Variants in SLC25A23 observed in about 807,000 individuals in gnomAD.
The protein encoded by SLC25A23 is mitochondrial adenyl nucleotide antiporter SLC25A23.
Under a neutral mutation model 53.9 loss-of-function variants are expected in SLC25A23, and 32 were observed. The observed-to-expected ratio is 0.59, with a 90% CI of 0.45 to 0.80. The LOEUF is 0.80. Ranked by LOEUF, SLC25A23 falls within the 30% of genes least tolerant of loss-of-function variation. The probability of loss-of-function intolerance (pLI) is 0.00; values close to 1 mark genes in which losing one functional copy is unlikely to be tolerated. For missense variants in SLC25A23, 575 were observed against 651.4 expected, an observed-to-expected ratio of 0.88 and a Z score of 1.28; for synonymous variants, 275 against 264.5, an observed-to-expected ratio of 1.04 and a Z score of -0.38.
intron 7 of SLC25A23, among the ~76,000 whole-genome samples, chr19:6,453,239 G>GTTTTT (rs34113509): frequency 9.6e-5 from 12 of 125,014 alleles, no homozygotes; most frequent in Admixed American, 8.4e-5. Context: ...TGTGATTGAA[G>GTTTTT]TTTTTTTTTT....
rs1417902194 is a variant in SLC25A23, at chr19:6,444,272, G to A, written c.1101C>T (p.Tyr367=). 5 of 1,531,528 alleles carry A rather than the reference G, an allele frequency of 3.3e-6. No individual in the cohort carries two copies. The highest frequency in any genetic ancestry group is 4.4e-6 in the Non-Finnish European group (5 of 1,130,394). 94.9% of individuals were successfully genotyped at this position (1,531,528 alleles called of 1,614,324 possible). ...TGCCTGGGTCTGCCGAGTCGTGGCT[G>A]TACTGCTGAAGCCACCAGTTCTTCA... The part of the protein sequence containing the change: ...ETLKNWWLQQ[Y]SHDSADPGIL... The change falls in exon 9 of 10, where the codon TAC becomes TAT. Residue 367 remains tyrosine (Y), a synonymous_variant. Coordinates refer to ENST00000301454, the MANE Select transcript of SLC25A23 (RefSeq NM_024103.3).
At chr19:6,449,177 T>TA (rs1207292060) in intron 8 of SLC25A23, among the ~76,000 whole-genome samples, 2 of 152,256 alleles carry the variant, frequency 1.3e-5, no homozygotes, top group Non-Finnish European at 2.9e-5. Context: ...TAAAACCTCT[T>TA]AGACTTTTAA....
chr19:6,457,702 C>A, intron 2 of SLC25A23, 112 bp from the exon 3 acceptor site: 4 of 905,534 alleles, frequency 4.4e-6, no homozygotes, highest in Admixed American at 2.2e-5. Flanking sequence ...AGATCAGGGG[C>A]TCCAGAAACC....
chr19:6,453,252 T>TTG (rs1354104379), intron 7 of SLC25A23, among the ~76,000 whole-genome samples: 1 of 150,350 alleles, frequency 6.7e-6, no homozygotes, highest in Non-Finnish European at 1.5e-5. Flanking sequence ...TTTTTTTTTT[T>TTG]TTTTTTGAGC....
intron 8 of SLC25A23, among the ~76,000 whole-genome samples, chr19:6,446,026 G>A (rs1271257773): frequency 3.3e-5 from 5 of 152,084 alleles, no homozygotes; most frequent in African/African-American, 4.8e-5. Flanking sequence ...GTAGTGAGCC[G>A]TGATGCACTC....
At chr19:6,455,791 C>T (rs1355998937) in intron 4 of SLC25A23, among the ~76,000 whole-genome samples, 1 of 149,362 alleles carries the variant, frequency 6.7e-6, no homozygotes, top group Middle Eastern at 3.5e-3. Flanking sequence ...GATCTCGGCT[C>T]ACTGCAAGCT....
At chr19:6,436,597 T>A (rs2092322006), downstream of SLC25A23, 1 of 387,602 alleles carries the variant, frequency 2.6e-6, no homozygotes, top group Non-Finnish European at 5.2e-6. Context: ...TTGCCCAGGC[T>A]GGAGTGCAGT....
In SLC25A23 at chr19:6,444,274, A is replaced by G; in HGVS notation, c.1099T>C (p.Tyr367His). 1 of 1,606,446 alleles carries G rather than the reference A, an allele frequency of 6.2e-7. No individual in the cohort carries two copies. The highest frequency in any genetic ancestry group is 1.3e-5 in the African/African-American group (1 of 74,896). Reference protein sequence around the residue: ...ETLKNWWLQQYSHDSADPGIL... With the variant: ...ETLKNWWLQQHSHDSADPGIL... The stretch of plus-strand genomic sequence containing the variant: ...CCTGGGTCTGCCGAGTCGTGGCTGT[A>G]CTGCTGAAGCCACCAGTTCTTCAGA... Residue 367 changes from tyrosine to histidine, a missense_variant, in exon 9 of 10, where the codon TAC becomes CAC. Transcript: ENST00000301454.
chr19:6,457,690 C>G (rs2092700858), intron 2 of SLC25A23, 100 bp from the exon 3 acceptor site: 4 of 1,036,222 alleles, frequency 3.9e-6, no homozygotes, highest in Non-Finnish European at 5.9e-6. Flanking sequence ...GGTGGTCTAG[C>G]AAGATCAGGG....
chr19:6,455,415 A>G (rs2145035218), intron 4 of SLC25A23, among the ~76,000 whole-genome samples: 1 of 152,114 alleles, frequency 6.6e-6, no homozygotes, highest in South Asian at 2.1e-4. Flanking sequence ...ACCCCAGCAG[A>G]TCCTTCTCAG....
downstream of SLC25A23, chr19:6,436,381 C>T (rs1465733807): frequency 2.2e-6 from 1 of 455,754 alleles, no homozygotes; most frequent in Non-Finnish European, 4.4e-6. Flanking sequence ...GCAAGATCCT[C>T]TTCCAAGCTC....
At chr19:6,444,127 C>T in intron 9 of SLC25A23, 24 bp downstream of exon 9, 6 of 1,536,594 alleles carry the variant, frequency 3.9e-6, no homozygotes, top group Non-Finnish European at 4.4e-6. Context: ...CTCCCCCTGC[C>T]CCATCCTCCC....
chr19:6,444,370 T>C, intron 8 of SLC25A23, 69 bp from the exon 9 acceptor site: 1 of 1,483,924 alleles, frequency 6.7e-7, no homozygotes, highest in Non-Finnish European at 9.1e-7. Context: ...AAAGGCCTGC[T>C]GGCCGGTTCT....
chr19:6,449,992 G>C (rs1439089776), intron 8 of SLC25A23, among the ~76,000 whole-genome samples: 1 of 150,990 alleles, frequency 6.6e-6, no homozygotes, highest in Non-Finnish European at 1.5e-5. Context: ...TGAGTAGCTG[G>C]GATTATAGGT....
At chr19:6,442,803 G>A (rs1210721216) in intron 9 of SLC25A23, among the ~76,000 whole-genome samples, 28 of 151,932 alleles carry the variant, frequency 1.8e-4, no homozygotes, top group African/African-American at 5.8e-4. Flanking sequence ...CATCCGCCTC[G>A]GCCTCCCAAA....
downstream of SLC25A23, among the ~76,000 whole-genome samples, chr19:6,439,397 T>TCACA (rs1030315290): frequency 1.3e-3 from 138 of 104,216 alleles, no homozygotes; most frequent in African/African-American, 4.5e-3. Context: ...TCTCTCTCTC[T>TCACA]CTCACACACA....
At chr19:6,451,826 C>T (rs968213854) in intron 8 of SLC25A23, among the ~76,000 whole-genome samples, 1 of 130,816 alleles carries the variant, frequency 7.6e-6, no homozygotes, top group Non-Finnish European at 1.5e-5. Context: ...TCATCTTTGC[C>T]TGCCTTTTTT....
At chr19:6,447,388 G>A (rs1446038552) in intron 8 of SLC25A23, among the ~76,000 whole-genome samples, 8 of 149,832 alleles carry the variant, frequency 5.3e-5, no homozygotes, top group South Asian at 2.1e-4. Flanking sequence ...TGCAACCTCC[G>A]CCTCCTGGGC....
chr19:6,442,086 C>G lies in SLC25A23; in HGVS notation c.1296G>C (p.Arg432=). 6.2e-7 allele frequency: 1 copy of G among 1,612,672 alleles called. No homozygotes were observed. The highest frequency in any genetic ancestry group is 1.3e-5 in the African/African-American group (1 of 74,962). Residue 432 remains arginine, a synonymous_variant, in exon 10 of 10, where the codon CGG becomes CGC. Transcript: ENST00000301454. ...LRHILSQEGM[R]GLYRGIAPNF... The stretch of plus-strand genomic sequence containing the variant: ...TGGGGGCGATCCCCCGGTAGAGGCC[C>G]CGCATGCCCTCCTGGGACAGGATGT...
Sources: gnomAD v4.1 joint callset for allele counts (sites outside exome capture counted in the v4.1 genomes callset) on GRCh38, gnomAD v4.1.1 for gene constraint, MANE v1.5 for transcripts, NCBI Gene and HGNC (gene_info 2026-07-23, HGNC 2026-07-21) for gene names.